Variants in PINX1 observed in about 807,000 individuals in gnomAD.
PINX1 encodes PIN2/TERF1-interacting telomerase inhibitor 1.
A neutral mutation model predicts 25.4 loss-of-function variants in PINX1; 34 were observed. The observed-to-expected ratio is 1.34, with a 90% CI of 1.02 to 1.78. The LOEUF is 1.78. Among genes scored for constraint, PINX1 ranks in the 40% most tolerant of loss-of-function variants. The pLI, the probability that PINX1 is intolerant of heterozygous loss-of-function variation, is 0.00. For synonymous variants in PINX1, 197 were observed against 147.7 expected, an observed-to-expected ratio of 1.33 and a Z score of -2.42; for missense variants, 592 against 404.9, an observed-to-expected ratio of 1.46 and a Z score of -3.97.
intron 6 of PINX1, among the ~76,000 whole-genome samples, chr8:10,805,213 G>A (rs112923691): frequency 0.039 from 5,956 of 152,290 alleles, 145 homozygotes; most frequent in Middle Eastern, 0.1. Flanking sequence ...CCTGCAGGGC[G>A]TGCTTGGAGG....
intron 6 of PINX1, among the ~76,000 whole-genome samples, chr8:10,776,291 T>A (rs1406696864): frequency 6.6e-6 from 1 of 151,886 alleles, no homozygotes; most frequent in Non-Finnish European, 1.5e-5. Context: ...CCGGGTGTGG[T>A]GGTGCAGCCT....
Position 10,765,834 on chromosome 8 carries a change from C to A in PINX1, c.554G>T (p.Arg185Leu), listed in dbSNP as rs199675528. 1 of 1,613,972 alleles carries A rather than the reference C, an allele frequency of 6.2e-7. No homozygotes were observed. The highest frequency in any genetic ancestry group is 1.6e-4 in the Middle Eastern group (1 of 6,062). ...GGGCTTGTTCTTCAGTGCTGCCATCCGCTTGGCAAAGTACTCCTGGATGGT... is the reference window on the plus strand; with the variant it reads ...GGGCTTGTTCTTCAGTGCTGCCATCAGCTTGGCAAAGTACTCCTGGATGGT... ...AFTIQEYFAK[R>L]MAALKNKPQV... The change falls in exon 7 of 7, where the codon CGG (arginine) becomes CTG (leucine). Residue 185 changes from arginine to leucine, a missense_variant. Transcript: ENST00000314787.
rs769563460 is a variant in PINX1, at chr8:10,765,645, C to T, written c.743G>A (p.Arg248Gln). The T allele has an allele frequency of 2.5e-6, 4 of 1,613,962 alleles. No individual in the cohort carries two copies. Among genetic ancestry groups the T allele is most frequent in the Admixed American group, 1.7e-5 (1 of 60,028 alleles). ...TGGCGCGCTCTTCTTCTTGGCCACT[C>T]GCTCCTGGGCCTCGGCCCTCTCGGG... Reference protein sequence around the residue: ...GKPERAEAQERVAKKKSAPAE... With the variant: ...GKPERAEAQEQVAKKKSAPAE... The change falls in exon 7 of 7, where the codon CGA becomes CAA. Residue 248 changes from arginine (R) to glutamine (Q), a missense_variant. Physicochemically the swap from Arg to Gln is conservative, Grantham distance 43 (BLOSUM62 1). Coordinates refer to ENST00000314787, the MANE Select transcript of PINX1 (RefSeq NM_017884.6).
intron 6 of PINX1, chr8:10,787,897 C>T: frequency 2.2e-6 from 1 of 445,040 alleles, no homozygotes; most frequent in South Asian, 1.6e-5. Flanking sequence ...ATCAATTAAT[C>T]TATAATATAC....
At chr8:10,826,084 A>G (rs1798028320) in intron 5 of PINX1, 68 bp downstream of exon 5, 1 of 836,588 alleles carries the variant, frequency 1.2e-6, no homozygotes, top group Non-Finnish European at 1.9e-6. Context: ...CCCAGAGCTA[A>G]AATGCTTCAA....
At chr8:10,795,967 T>C (rs1453854347) in intron 6 of PINX1, among the ~76,000 whole-genome samples, 1 of 152,194 alleles carries the variant, frequency 6.6e-6, no homozygotes, top group Non-Finnish European at 1.5e-5. Context: ...TTTAGTTGCC[T>C]AAAGGTGGTT....
intron 6 of PINX1, among the ~76,000 whole-genome samples, chr8:10,796,151 C>G (rs1251106632): frequency 6.6e-6 from 1 of 152,062 alleles, no homozygotes; most frequent in Non-Finnish European, 1.5e-5. Context: ...TAGAAGAGCA[C>G]AGAGAATATC....
At chr8:10,832,568 G>A (rs923722336) in intron 3 of PINX1, among the ~76,000 whole-genome samples, 13 of 152,316 alleles carry the variant, frequency 8.5e-5, no homozygotes, top group South Asian at 2.1e-4. Context: ...CAGAGATACG[G>A]AACTAACCAA....
At chr8:10,820,369 G>A in intron 5 of PINX1, 100 bp from the exon 6 acceptor site, 1 of 789,882 alleles carries the variant, frequency 1.3e-6, no homozygotes, top group Non-Finnish European at 2.2e-6. Context: ...TGGCTTTTGG[G>A]AAAGAAAGAA....
chr8:10,805,140 C>T (rs934090434), intron 6 of PINX1, among the ~76,000 whole-genome samples: 3 of 152,198 alleles, frequency 2.0e-5, no homozygotes, highest in Non-Finnish European at 2.9e-5. Context: ...CAGAACACCT[C>T]ACATTCTTTC....
intron 6 of PINX1, among the ~76,000 whole-genome samples, chr8:10,795,946 A>G (rs1229758631): frequency 2.6e-5 from 4 of 152,192 alleles, no homozygotes; most frequent in African/African-American, 9.7e-5. Flanking sequence ...TGAATAAAAC[A>G]GAGCCATTGC....
intron 1 of PINX1, 125 bp from the exon 2 acceptor site, chr8:10,834,900 C>A: frequency 1.6e-6 from 1 of 641,144 alleles, no homozygotes; most frequent in Non-Finnish European, 2.7e-6. Context: ...CATTACAATA[C>A]AGAAATTAAT....
At chr8:10,778,966 A>G (rs1033733363) in intron 6 of PINX1, among the ~76,000 whole-genome samples, 2 of 152,216 alleles carry the variant, frequency 1.3e-5, no homozygotes, top group Non-Finnish European at 2.9e-5. Context: ...TAGCTTGCAG[A>G]GCGCCTCTGG....
Position 10,832,882 on chromosome 8 carries a change from T to TGCCACAATAATGAAG in PINX1, c.222+9_222+10insCTTCATTATTGTGGC. ...GCAAAGACACCCAGGAGGCACACAC[T>TGCCACAATAATGAAG]GCTGCTCACTTCATTATTGATGGTA... On this transcript the variant is annotated intron_variant, in intron 3 of 6. Coordinates refer to ENST00000314787, the MANE Select transcript of PINX1 (RefSeq NM_017884.6). 1 of 1,564,576 alleles carries TGCCACAATAATGAAG rather than the reference T, an allele frequency of 6.4e-7. No homozygotes were observed. The highest frequency in any genetic ancestry group is 8.8e-7 in the Non-Finnish European group (1 of 1,136,162).
intron 6 of PINX1, among the ~76,000 whole-genome samples, chr8:10,794,298 T>C (rs1802015644): frequency 6.6e-6 from 1 of 152,242 alleles, no homozygotes; most frequent in South Asian, 2.1e-4. Context: ...ATACAGATCT[T>C]AAAATTTCAA....
chr8:10,812,408 G>A (rs1453247188), intron 6 of PINX1, among the ~76,000 whole-genome samples: 4 of 152,190 alleles, frequency 2.6e-5, no homozygotes, highest in Admixed American at 2.6e-4. Flanking sequence ...GAAGGTCAGA[G>A]CTGGAAGGGC....
chr8:10,818,486 A>G (rs1797768446), intron 6 of PINX1, among the ~76,000 whole-genome samples: 1 of 152,244 alleles, frequency 6.6e-6, no homozygotes, highest in South Asian at 2.1e-4. Flanking sequence ...CCAAACACAT[A>G]AATTCTCTTA....
At chr8:10,831,839 A>T (rs1188453623) in intron 3 of PINX1, 96 bp from the exon 4 acceptor site, 2 of 697,094 alleles carry the variant, frequency 2.9e-6, no homozygotes, top group Admixed American at 4.6e-5. Context: ...CCAGTGGTTA[A>T]TTAAGAAATT....
chr8:10,834,505 C>T (rs1476406127), intron 2 of PINX1, 161 bp downstream of exon 2: 1 of 1,061,332 alleles, frequency 9.4e-7, no homozygotes, highest in East Asian at 2.6e-5. Context: ...ATGTCCAATC[C>T]TAATTTATCA....
Sources: allele counts gnomAD v4.1 joint callset (sites outside exome capture counted in the v4.1 genomes callset), GRCh38; gene constraint gnomAD v4.1.1; transcripts MANE v1.5; gene names NCBI Gene and HGNC (gene_info 2026-07-23, HGNC 2026-07-21).